LDLRAP1: variants seen among roughly 807,000 people sequenced by gnomAD.
LDLRAP1 encodes low density lipoprotein receptor adaptor protein 1, also known as low density lipoprotein receptor adapter protein 1.
In LDLRAP1, 30 loss-of-function variants were observed where a neutral mutation model predicts 37.8. The ratio of observed to expected loss-of-function variants is 0.79; its 90% CI spans 0.59 to 1.08. The LOEUF is 1.08. Among genes scored for constraint, LDLRAP1 ranks in the 50% least tolerant of loss-of-function variants. The probability of loss-of-function intolerance (pLI) is 0.00; values close to 1 mark genes in which losing one functional copy is unlikely to be tolerated. For synonymous variants in LDLRAP1, 156 were observed against 169.8 expected, an observed-to-expected ratio of 0.92 and a Z score of 0.63; for missense variants, 375 against 401.6, an observed-to-expected ratio of 0.93 and a Z score of 0.57.
rs1343448592 is a variant in LDLRAP1 at position 25,555,221 on chromosome 1, A to G, written c.344+249A>G. ...TGCTGCTGTCATCATCACCAGTTGC[A>G]GAAGACAGCTGAGCCCACCCGTGCC... On this transcript the variant is annotated intron_variant, in intron 3 of 8. Transcript: ENST00000374338. This position sits in a 1 kb window ranked among gnomAD's most constrained non-coding sequence, Gnocchi z 4.7. Among the ~76,000 whole-genome samples, 1 of 152,234 alleles carries G rather than the reference A, an allele frequency of 6.6e-6. No individual in the cohort carries two copies. The highest frequency in any genetic ancestry group is 1.5e-5 in the Non-Finnish European group (1 of 68,030).
the LDLRAP1 span, among the ~76,000 whole-genome samples, chr1:25,575,349 G>T: frequency 6.6e-6 from 1 of 151,080 alleles, no homozygotes; most frequent in African/African-American, 2.4e-5. Context: ...ACTTTGGAAG[G>T]CTGAGGCAGG....
intron 1 of LDLRAP1, among the ~76,000 whole-genome samples, chr1:25,545,203 G>A (rs1422242166): frequency 1.3e-5 from 2 of 152,214 alleles, no homozygotes; most frequent in African/African-American, 2.4e-5. Flanking sequence ...AGAATCCTGC[G>A]GGTTTTCTCC....
At chr1:25,589,469 G>A in the LDLRAP1 span, among the ~76,000 whole-genome samples, 6 of 152,134 alleles carry the variant, frequency 3.9e-5, no homozygotes, top group East Asian at 1.9e-4. Flanking sequence ...TGTGTGAGAC[G>A]TTTCTAGAAG....
At chr1:25,577,248 C>T in the LDLRAP1 span, among the ~76,000 whole-genome samples, 1 of 152,138 alleles carries the variant, frequency 6.6e-6, no homozygotes, top group Non-Finnish European at 1.5e-5. Flanking sequence ...GGCTGATGAA[C>T]GGAGCTGAGG....
chr1:25,553,890 A>G (rs1167930108), intron 1 of LDLRAP1, 32 bp from the exon 2 acceptor site: 1 of 1,610,850 alleles, frequency 6.2e-7, no homozygotes, highest in Admixed American at 1.7e-5. Flanking sequence ...CCTGAGCCGC[A>G]GGGTCTGAGG....
chr1:25,556,926 C>T (rs1222836833), intron 3 of LDLRAP1, among the ~76,000 whole-genome samples: 1 of 152,148 alleles, frequency 6.6e-6, no homozygotes, highest in African/African-American at 2.4e-5. Flanking sequence ...GGGAAGTGCC[C>T]TGCTTCCAGT....
chr1:25,588,548 C>G, the LDLRAP1 span, among the ~76,000 whole-genome samples: 3 of 152,102 alleles, frequency 2.0e-5, no homozygotes, highest in African/African-American at 4.8e-5. Context: ...GATGCAGAGA[C>G]CTTTGTTCAC....
the LDLRAP1 span, among the ~76,000 whole-genome samples, chr1:25,574,020 T>G: frequency 1.3e-5 from 2 of 151,444 alleles, no homozygotes; most frequent in Non-Finnish European, 2.9e-5. Context: ...AAAAGGGCGG[T>G]GGGGGGAAGG....
chr1:25,563,251 G>T, intron 6 of LDLRAP1, 98 bp downstream of exon 6: 1 of 904,572 alleles, frequency 1.1e-6, no homozygotes, highest in Non-Finnish European at 1.7e-6. Context: ...GAGCCTCTTG[G>T]TTTTTCACTT....
intron 8 of LDLRAP1, among the ~76,000 whole-genome samples, chr1:25,565,918 C>T (rs974166503): frequency 6.6e-6 from 1 of 152,128 alleles, no homozygotes; most frequent in Admixed American, 6.6e-5. Flanking sequence ...TTTGGTCCAG[C>T]GGGTGGGGAC....
At chr1:25,557,068 A>G in intron 3 of LDLRAP1, 85 bp from the exon 4 acceptor site, 2 of 983,164 alleles carry the variant, frequency 2.0e-6, no homozygotes, top group Non-Finnish European at 3.3e-6. Context: ...GTTCTCTGCA[A>G]CTCAGGGGAG....
chr1:25,586,592 G>A, the LDLRAP1 span, among the ~76,000 whole-genome samples: 2 of 151,788 alleles, frequency 1.3e-5, no homozygotes, highest in Non-Finnish European at 2.9e-5. This position sits in a 1 kb window ranked among gnomAD's most constrained non-coding sequence, Gnocchi z 4.3. Context: ...GCGCGTGTGT[G>A]TGTGTGTATG....
chr1:25,580,706 C>T, the LDLRAP1 span, among the ~76,000 whole-genome samples: 5 of 152,074 alleles, frequency 3.3e-5, no homozygotes, highest in Non-Finnish European at 5.9e-5. Context: ...GAGATGGAGC[C>T]TCACTACATT....
In LDLRAP1 at chr1:25,568,402, A is replaced by G. The variant is rs2044540836; in HGVS notation, c.*1410A>G. On this transcript the variant is annotated 3_prime_UTR_variant, in exon 9 of 9. Transcript: ENST00000374338. ...CTTTTGCCCCCGTGGGGCTCCCGGC[A>G]TCCTGAAAGCCAGCAAAGCCTCCAG... 1 of 152,230 alleles carries G rather than the reference A, an allele frequency of 6.6e-6. No individual in the cohort carries two copies. The allele number at this position is 152,230 out of a possible 1,614,324, so 9.4% of individuals were successfully genotyped here.
intron 3 of LDLRAP1, 95 bp from the exon 4 acceptor site, chr1:25,557,058 G>C (rs1157873352): frequency 1.1e-6 from 1 of 896,340 alleles, no homozygotes; most frequent in Non-Finnish European, 1.9e-6. Context: ...GGAATAGCAG[G>C]TTCTCTGCAA....
chr1:25,575,862 C>T, the LDLRAP1 span, among the ~76,000 whole-genome samples: 6 of 152,160 alleles, frequency 3.9e-5, no homozygotes, highest in Non-Finnish European at 7.3e-5. Context: ...AGAGAGATGG[C>T]ATGACTTGCC....
intron 7 of LDLRAP1, 33 bp from the exon 8 acceptor site, chr1:25,565,140 A>G (rs1403382268): frequency 1.6e-5 from 26 of 1,613,038 alleles, no homozygotes; most frequent in Non-Finnish European, 2.1e-5. Context: ...TCCCCCAAAC[A>G]TAGTTCTTAT....
At chr1:25,551,952 C>A (rs900406635) in intron 1 of LDLRAP1, among the ~76,000 whole-genome samples, 22 of 152,182 alleles carry the variant, frequency 1.4e-4, no homozygotes, top group African/African-American at 4.8e-4. Flanking sequence ...ATGAGGGGAA[C>A]TGGGTACATC....
downstream of LDLRAP1, among the ~76,000 whole-genome samples, chr1:25,573,155 A>G (rs1279670888): frequency 6.6e-6 from 1 of 152,144 alleles, no homozygotes; most frequent in Non-Finnish European, 1.5e-5. Context: ...AGGCCCACCC[A>G]GGGTAGCCAA....
Sources: gnomAD v4.1 joint callset for allele counts (sites outside exome capture counted in the v4.1 genomes callset) on GRCh38, gnomAD v4.1.1 for gene constraint, Gnocchi (gnomAD v3.1) non-coding constraint, MANE v1.5 for transcripts, NCBI Gene and HGNC (gene_info 2026-07-23, HGNC 2026-07-21) for gene names.